The following ELL variants were observed in gnomAD, a reference collection of about 807,000 sequenced individuals.
ELL encodes the protein elongation factor for RNA polymerase II, also known as RNA polymerase II elongation factor ELL.
ELL carries 18 observed loss-of-function variants against 64.0 expected under a neutral mutation model. The observed-to-expected ratio is 0.28, with a 90% confidence interval of 0.19 to 0.42. The LOEUF (loss-of-function observed/expected upper bound fraction) is 0.42. Ranked by LOEUF, ELL falls within the 10% of genes least tolerant of loss-of-function variation. The pLI, the probability that ELL is intolerant of heterozygous loss-of-function variation, is 1.00. For missense variants in ELL, 797 were observed against 870.4 expected (o/e 0.92, Z 1.06); for synonymous variants, 399 against 376.2 (o/e 1.06, Z -0.70).
chr19:18,487,370 C>T (rs765358060), intron 1 of ELL, among the ~76,000 whole-genome samples: 1 of 152,344 alleles, frequency 6.6e-6, no homozygotes, highest in East Asian at 1.9e-4. Flanking sequence ...AGTCTTCCTT[C>T]GTGCTTGAGG....
At chr19:18,466,152 G>A (rs777350721) in intron 2 of ELL, among the ~76,000 whole-genome samples, 2 of 152,244 alleles carry the variant, frequency 1.3e-5, no homozygotes, top group African/African-American at 4.8e-5. Context: ...CATGGGGCCA[G>A]GGGCCGTTTT....
intron 4 of ELL, among the ~76,000 whole-genome samples, chr19:18,462,531 G>A (rs948076543): frequency 3.3e-5 from 5 of 151,962 alleles, no homozygotes; most frequent in African/African-American, 1.2e-4. Context: ...CCACAGGTGT[G>A]CACCACCATG....
chr19:18,503,685 T>C (rs147314952), intron 1 of ELL, among the ~76,000 whole-genome samples: 6 of 152,194 alleles, frequency 3.9e-5, no homozygotes, highest in Non-Finnish European at 7.4e-5. Context: ...ACGGGACCTG[T>C]TACTCTGGCC....
At chr19:18,468,438 C>T (rs1974997801) in intron 2 of ELL, among the ~76,000 whole-genome samples, 1 of 152,174 alleles carries the variant, frequency 6.6e-6, no homozygotes. Context: ...CCAGATGTGA[C>T]TTTTATTCTC....
At chr19:18,487,507 G>A (rs1056721360) in intron 1 of ELL, among the ~76,000 whole-genome samples, 5 of 152,208 alleles carry the variant, frequency 3.3e-5, no homozygotes, top group African/African-American at 7.2e-5. Context: ...TCTGACAGAG[G>A]CAGCTGCATG....
intron 1 of ELL, among the ~76,000 whole-genome samples, chr19:18,486,763 G>C (rs143272568): frequency 5.3e-4 from 80 of 152,330 alleles, no homozygotes; most frequent in African/African-American, 1.9e-3. Flanking sequence ...ATAAGAGGAT[G>C]CCAAGAGAAT....
rs1974483867 is a variant in ELL, at chr19:18,449,800, G to A, written c.1465+677C>T. Among the ~76,000 whole-genome samples, 1 of 152,358 alleles carries A rather than the reference G, an allele frequency of 6.6e-6. No homozygotes were observed. The highest frequency in any genetic ancestry group is 2.1e-4 in the South Asian group (1 of 4,834). On this transcript the variant is annotated intron_variant, in intron 8 of 11. Transcript: ENST00000262809. The surrounding 1 kb of genome is among the most constrained non-coding windows in gnomAD (Gnocchi z 4.4). ...CTGCACGCTGGCCACTGCTTCTGCT[G>A]GTTCCTATAAATGAACAGCTGCGCA...
chr19:18,451,393 C>T (rs1393049557), intron 7 of ELL, among the ~76,000 whole-genome samples, 159 bp downstream of exon 7: 1 of 152,250 alleles, frequency 6.6e-6, no homozygotes, highest in Non-Finnish European at 1.5e-5. Flanking sequence ...CAACCCCAAC[C>T]CGACAGCTTC....
chr19:18,479,133 C>T (rs11670056), intron 1 of ELL, among the ~76,000 whole-genome samples: 7,815 of 152,230 alleles, frequency 0.051, 305 homozygotes, highest in Middle Eastern at 0.099. Flanking sequence ...CCCCAGGGCA[C>T]GAGGCAATGT....
At chr19:18,507,773 A>G (rs1013351466) in intron 1 of ELL, among the ~76,000 whole-genome samples, 19 of 152,346 alleles carry the variant, frequency 1.2e-4, no homozygotes, top group Middle Eastern at 3.4e-3. Flanking sequence ...GCCCCGCCGA[A>G]CAACCACGCA....
intron 6 of ELL, among the ~76,000 whole-genome samples, chr19:18,453,391 A>C (rs1974582655): frequency 6.6e-6 from 1 of 152,262 alleles, no homozygotes; most frequent in Non-Finnish European, 1.5e-5. Context: ...ACATAACAAG[A>C]TGCTCAATGC....
rs778207766 is a variant in ELL at position 18,501,609 on chromosome 19, C to T, written c.135+20312G>A. On this transcript the variant is annotated intron_variant, in intron 1 of 11. Transcript: ENST00000262809. This position sits in a 1 kb window ranked among gnomAD's most constrained non-coding sequence, Gnocchi z 4.5. ...GGCCAAGCCAGGGGCCGGCTACTCACGAGTGCACACGAGGACAGCCAGGAT... is the reference window on the plus strand; with the variant it reads ...GGCCAAGCCAGGGGCCGGCTACTCATGAGTGCACACGAGGACAGCCAGGAT... Among the ~76,000 whole-genome samples, 20 of 152,212 alleles carry T rather than the reference C, an allele frequency of 1.3e-4. No homozygotes were observed. Among genetic ancestry groups the T allele is most frequent in the Non-Finnish European group, 2.6e-4 (18 of 68,032 alleles).
rs775049626 is a variant in ELL, at chr19:18,450,630, T to C, written c.1312A>G (p.Arg438Gly). 10 of 1,607,968 alleles carry C rather than the reference T, an allele frequency of 6.2e-6. No homozygotes were observed. In the African/African-American group the frequency reaches 6.7e-5, roughly 11 times the overall value. ...PLLTDCAQPS[R>G]PHGSPSRSKP... ...CTGCGCGAGGGGCTGCCGTGTGGCC[T>C]GCTGGGCTGGGCACAGTCCGTCAGC... Residue 438 changes from arginine (R) to glycine (G), a missense_variant, in exon 8 of 12, where the codon AGG (arginine) becomes GGG (glycine). Physicochemically the swap from Arg to Gly is moderately radical, Grantham distance 125. Coordinates refer to ENST00000262809, the MANE Select transcript of ELL (RefSeq NM_006532.4).
At chr19:18,512,082 G>A (rs1462931928) in intron 1 of ELL, among the ~76,000 whole-genome samples, 1 of 152,020 alleles carries the variant, frequency 6.6e-6, no homozygotes, top group Non-Finnish European at 1.5e-5. Flanking sequence ...TTGAACCCAG[G>A]GGGCAGAGGT....
chr19:18,459,027 A>G (rs534024616), intron 5 of ELL, among the ~76,000 whole-genome samples: 32 of 152,304 alleles, frequency 2.1e-4, no homozygotes, highest in Admixed American at 1.9e-3. Flanking sequence ...TAGGTGGGCT[A>G]TAAGCATGCA....
At chr19:18,455,540 G>A (rs1974650924) in intron 6 of ELL, among the ~76,000 whole-genome samples, 1 of 150,718 alleles carries the variant, frequency 6.6e-6, no homozygotes, top group Non-Finnish European at 1.5e-5. Flanking sequence ...CAATGGGGAA[G>A]ACTCTTAGAA....
In ELL at chr19:18,501,654, C is replaced by T. The variant is rs2144965456; in HGVS notation, c.135+20267G>A. ...CAGGATTCACTAGGACAGGATCTGC[C>T]CAATCCCAGGCACTTCCCACTGGTC... On this transcript the variant is annotated intron_variant, in intron 1 of 11. Transcript: ENST00000262809. This position sits in a 1 kb window ranked among gnomAD's most constrained non-coding sequence, Gnocchi z 4.5. Among the ~76,000 whole-genome samples the T allele has an allele frequency of 6.6e-6, 1 of 152,346 alleles. No homozygotes were observed. Among genetic ancestry groups the T allele is most frequent in the South Asian group, 2.1e-4 (1 of 4,834 alleles).
chr19:18,506,333 G>GAC (rs1301779528), intron 1 of ELL, among the ~76,000 whole-genome samples: 1 of 152,248 alleles, frequency 6.6e-6, no homozygotes, highest in Non-Finnish European at 1.5e-5. Flanking sequence ...ACAGTGGAGG[G>GAC]ACACCCGGGC....
intron 6 of ELL, 119 bp from the exon 7 acceptor site, chr19:18,451,767 A>C: frequency 7.8e-6 from 6 of 770,632 alleles, no homozygotes; most frequent in Non-Finnish European, 1.2e-5. Context: ...CTCCTCCCAA[A>C]TCCAGAGCAG....
Sources: gnomAD v4.1 joint callset for allele counts (sites outside exome capture counted in the v4.1 genomes callset) on GRCh38, gnomAD v4.1.1 for gene constraint, Gnocchi (gnomAD v3.1) non-coding constraint, MANE v1.5 for transcripts, NCBI Gene and HGNC (gene_info 2026-07-23, HGNC 2026-07-21) for gene names.